The following SH2B2 variants were observed in gnomAD, a reference collection of about 807,000 sequenced individuals.
SH2B2 encodes the protein SH2B adaptor protein 2.
In SH2B2, 37 loss-of-function variants were observed where a neutral mutation model predicts 35.7. That is an observed-to-expected ratio of 1.04 (90% confidence interval 0.80 to 1.36). SH2B2 has a LOEUF of 1.36. Among genes scored for constraint, SH2B2 ranks in the 40% most tolerant of loss-of-function variants. The probability of loss-of-function intolerance (pLI) is 0.00; values close to 1 mark genes in which losing one functional copy is unlikely to be tolerated. For synonymous variants in SH2B2, 383 were observed against 376.4 expected (o/e 1.02, Z -0.20); for missense variants, 852 against 817.7 (o/e 1.04, Z -0.51).
rs1554558550 is a variant in SH2B2, at chr7:102,321,434, C to A, written c.1703C>A (p.Ser568Ter). 1.5e-6 allele frequency: 2 copies of A among 1,303,918 alleles called. No homozygotes were observed. The highest frequency in any genetic ancestry group is 1.9e-5 in the South Asian group (1 of 53,220). 80.8% of individuals were successfully genotyped at this position (1,303,918 alleles called of 1,614,324 possible). The change falls in exon 9 of 9, where the codon TCG (serine) becomes TAG (stop). Residue 568 changes from serine (S) to a stop codon, truncating the protein, a stop_gained. Transcript: ENST00000444095. LOFTEE classifies it low-confidence loss of function (END_TRUNC). ...CCCTCCGACGCCGCCGGCGCCTCCT[C>A]GTCTTCCGCCTCGTCGTCCTCTGCC... Reference protein sequence around the residue: ...ASPSDAAGASSSSASSSSAAS... With the variant: ...ASPSDAAGAS
At chr7:102,309,242 G>C in intron 4 of SH2B2, 1 of 487,270 alleles carries the variant, frequency 2.1e-6, no homozygotes, top group Non-Finnish European at 4.0e-6. Context: ...GCCTGGTGCA[G>C]TGGCTCACAT....
At position 102,317,309 on chromosome 7, in the gene SH2B2, C is replaced by G. The variant is rs782398817; in HGVS notation, c.1309C>G (p.Arg437Gly). Residue 437 changes from arginine to glycine, a missense_variant, in exon 7 of 9, where the codon CGG becomes GGG. Arg to Gly is a moderately radical substitution (Grantham distance 125). Coordinates refer to ENST00000444095, the MANE Select transcript of SH2B2 (RefSeq NM_001359228.2). ...AAQLVLAGGP[R>G]NHGLFVIRQS... ...TCAACTGGTTCTGGCAGGGGGGCCCCGGAACCACGGCCTCTTCGTGATCCG... is the reference window on the plus strand; with the variant it reads ...TCAACTGGTTCTGGCAGGGGGGCCCGGGAACCACGGCCTCTTCGTGATCCG... 6.2e-7 allele frequency: 1 copy of G among 1,613,398 alleles called. No homozygotes were observed. Among genetic ancestry groups the G allele is most frequent in the East Asian group, 2.2e-5 (1 of 44,850 alleles).
intron 1 of SH2B2, among the ~76,000 whole-genome samples, chr7:102,288,217 T>C (rs1043488371): frequency 5.3e-5 from 8 of 151,964 alleles, no homozygotes. Context: ...CCTTGAACTC[T>C]CCCAACCTCT....
At position 102,311,874 on chromosome 7, in the gene SH2B2, C is replaced by T. The variant is rs182004825; in HGVS notation, c.924-2462C>T. On this transcript the variant is annotated intron_variant, in intron 4 of 8. Coordinates refer to ENST00000444095, the MANE Select transcript of SH2B2 (RefSeq NM_001359228.2). ...GGCACATCACCTGAGGTCAGGAGTTCGAGACCAGCCTGGCCAACATGGGGA... is the reference window on the plus strand; with the variant it reads ...GGCACATCACCTGAGGTCAGGAGTTTGAGACCAGCCTGGCCAACATGGGGA... 1.4e-3 allele frequency among the ~76,000 whole-genome samples: 210 copies of T among 149,784 alleles called. 4 individuals are homozygous for T. In the East Asian group the frequency reaches 0.033, roughly 24 times the overall value.
rs368606524 is a variant in SH2B2, at chr7:102,300,559, T to C, written c.9T>C (p.Gly3=). The change falls in exon 2 of 9, where the codon GGT becomes GGC. Residue 3 remains glycine, a synonymous_variant. Transcript: ENST00000444095. MN[G]AGPGPAAAAP... The stretch of plus-strand genomic sequence containing the variant: ...GCGATGGGACGGAAGCCATGAATGG[T>C]GCCGGCCCTGGCCCCGCCGCAGCCG... 6.5e-7 allele frequency: 1 copy of C among 1,545,246 alleles called. No homozygotes were observed. The highest frequency in any genetic ancestry group is 1.4e-5 in the African/African-American group (1 of 72,964).
rs1792475378 is a variant in SH2B2, at chr7:102,286,918, G to T, written c.-206G>T. 1.3e-5 allele frequency: 2 copies of T among 148,668 alleles called. No homozygotes were observed. The highest frequency in any genetic ancestry group is 6.7e-5 in the Admixed American group (1 of 14,980). The allele number at this position is 148,668 out of a possible 1,614,324, so 9.2% of individuals were successfully genotyped here. A position where few individuals can be genotyped will look rare whatever the true frequency, so the allele number is the denominator to read the frequency against. ...GCGCGCGGAGCTCGGCTGCCAGAGA[G>T]CCGCGCGGGGGACGCGCCGGGACCG... is the stretch of plus-strand genomic sequence containing the variant. On this transcript the variant is annotated 5_prime_UTR_variant, in exon 1 of 9. Coordinates refer to ENST00000444095, the MANE Select transcript of SH2B2 (RefSeq NM_001359228.2).
chr7:102,302,641 G>A (rs1793236357), intron 2 of SH2B2, among the ~76,000 whole-genome samples: 1 of 152,186 alleles, frequency 6.6e-6, no homozygotes, highest in Non-Finnish European at 1.5e-5. Flanking sequence ...TCATCCTCTG[G>A]GTACCCCACC....
At chr7:102,295,303 C>T (rs1792858004) in intron 1 of SH2B2, among the ~76,000 whole-genome samples, 1 of 152,156 alleles carries the variant, frequency 6.6e-6, no homozygotes, top group South Asian at 2.1e-4. Context: ...CCTGGGGGTC[C>T]TAATGGTATA....
intron 1 of SH2B2, among the ~76,000 whole-genome samples, chr7:102,293,548 T>G: frequency 6.8e-6 from 1 of 146,538 alleles, no homozygotes; most frequent in South Asian, 2.2e-4. Flanking sequence ...TGGGGGGGTG[T>G]AATGGATGGG....
At chr7:102,299,575 A>T (rs1563552078) in intron 1 of SH2B2, among the ~76,000 whole-genome samples, 1 of 152,158 alleles carries the variant, frequency 6.6e-6, no homozygotes, top group Non-Finnish European at 1.5e-5. Flanking sequence ...CCCGGGGACC[A>T]TAAAGCAGCT....
rs115107229 is a variant in SH2B2 at position 102,304,625 on chromosome 7, G to A, written c.730-2096G>A. 5.6e-3 allele frequency among the ~76,000 whole-genome samples: 855 copies of A among 152,310 alleles called. 7 individuals are homozygous for A. Among genetic ancestry groups the A allele is most frequent in the African/African-American group, 0.019 (807 of 41,566 alleles). ...CAGGCATGTGGGCACAGTGCGTTGT[G>A]GCTGGAGCAGGTGGGAGGAAGCTGG... On this transcript the variant is annotated intron_variant, in intron 2 of 8. Transcript: ENST00000444095.
rs782785716 is a variant in SH2B2 at position 102,301,176 on chromosome 7, C to T, written c.626C>T (p.Ala209Val). Residue 209 changes from alanine to valine, a missense_variant, in exon 2 of 9, where the codon GCC becomes GTC. This residue lies in a region of SH2B2 where 556 missense variants were observed against 514.5 expected (regional missense o/e 1.08). Transcript: ENST00000444095. ...CGCTTCATGGTGGCCGACGACGCGG[C>T]CGCGGGCTCCGGGGGCTCGGCTCAG... ...ALRFMVADDAAAGSGGSAQWQ... is the reference protein window; with the variant it reads ...ALRFMVADDAVAGSGGSAQWQ... 5 of 1,576,372 alleles carry T rather than the reference C, an allele frequency of 3.2e-6. No homozygotes were observed. The highest frequency in any genetic ancestry group is 1.9e-5 in the Admixed American group (1 of 53,990).
intron 4 of SH2B2, among the ~76,000 whole-genome samples, chr7:102,313,399 G>C (rs1391100419): frequency 6.6e-6 from 1 of 151,890 alleles, no homozygotes; most frequent in Non-Finnish European, 1.5e-5. Flanking sequence ...GGTGAGCTGA[G>C]ATCGTGCCAC....
chr7:102,319,194 A>G (rs566856676), intron 7 of SH2B2, among the ~76,000 whole-genome samples: 7 of 152,308 alleles, frequency 4.6e-5, no homozygotes, highest in Admixed American at 4.6e-4. Context: ...GGTCTGGCAG[A>G]AGATTGGGAT....
intron 1 of SH2B2, among the ~76,000 whole-genome samples, chr7:102,291,765 G>A (rs1355136040): frequency 2.6e-5 from 4 of 152,318 alleles, no homozygotes; most frequent in East Asian, 1.9e-4. Context: ...GAAAACCAAC[G>A]CCCACGTATT....
rs1792983745 is a variant in SH2B2, at chr7:102,297,829, T to C, written c.-29-2693T>C. On this transcript the variant is annotated intron_variant, in intron 1 of 8. Coordinates refer to ENST00000444095, the MANE Select transcript of SH2B2 (RefSeq NM_001359228.2). This position sits in a 1 kb window ranked among gnomAD's most constrained non-coding sequence, Gnocchi z 4.3. Reference sequence around the variant, plus strand: ...TGGAGGGGACACACAACCAAGCAACTAAATATATGATATGACAGCCGGCAA... The same window carrying C: ...TGGAGGGGACACACAACCAAGCAACCAAATATATGATATGACAGCCGGCAA... Among the ~76,000 whole-genome samples, 1 of 152,006 alleles carries C rather than the reference T, an allele frequency of 6.6e-6. No homozygotes were observed. The highest frequency in any genetic ancestry group is 1.5e-5 in the Non-Finnish European group (1 of 68,000).
rs1554558591 is a variant in SH2B2 at position 102,321,468 on chromosome 7, G to T, written c.1737G>T (p.Gly579=). Residue 579 remains glycine, a synonymous_variant, in exon 9 of 9, where the codon GGG becomes GGT. Transcript: ENST00000444095. The part of the protein sequence containing the change: ...SSASSSSAAS[G]PAPPRPVEGQ... ...CCTCGTCGTCCTCTGCCGCGTCGGG[G>T]CCCGCCCCCCCGCGCCCCGTCGAGG... is the stretch of plus-strand genomic sequence containing the variant. 4 of 1,205,414 alleles carry T rather than the reference G, an allele frequency of 3.3e-6. No homozygotes were observed. The East Asian group carries it at 1.5e-4, about 46-fold the overall frequency. 74.7% of individuals were successfully genotyped at this position (1,205,414 alleles called of 1,614,324 possible).
Position 102,301,081 on chromosome 7 carries a change from G to T in SH2B2, c.531G>T (p.Arg177=). 7 of 1,404,856 alleles carry T rather than the reference G, an allele frequency of 5.0e-6. No individual in the cohort carries two copies. The highest frequency in any genetic ancestry group is 6.5e-6 in the Non-Finnish European group (7 of 1,084,318). 87.0% of individuals were successfully genotyped at this position (1,404,856 alleles called of 1,614,324 possible). Residue 177 remains arginine, a synonymous_variant, in exon 2 of 9, where the codon CGG becomes CGT. Coordinates refer to ENST00000444095, the MANE Select transcript of SH2B2 (RefSeq NM_001359228.2). The part of the protein sequence containing the change: ...RTAEPRDKWT[R]RLRLSRTLAA... ...CCGAGCCCCGCGACAAGTGGACGCG[G>T]CGCCTGAGGCTGTCGCGGACGCTGG...
Position 102,308,833 on chromosome 7 carries a change from T to C in SH2B2, c.850T>C (p.Tyr284His). ...TCCCCAGGTAGAGAATGGAGCCGAA[T>C]ACATCTTGGAGACCATCGACTCTCT... ...FVLKVENGAE[Y>H]ILETIDSLQK... is the part of the protein sequence containing the mutation. Residue 284 changes from tyrosine (Y) to histidine (H), a missense_variant, in exon 4 of 9, where the codon TAC (tyrosine) becomes CAC (histidine). Tyr to His is a moderately conservative substitution (Grantham distance 83, BLOSUM62 2). This residue lies in a region of SH2B2 where 556 missense variants were observed against 514.5 expected (regional missense o/e 1.08). Coordinates refer to ENST00000444095, the MANE Select transcript of SH2B2 (RefSeq NM_001359228.2). 1 of 1,613,672 alleles carries C rather than the reference T, an allele frequency of 6.2e-7. No homozygotes were observed. Among genetic ancestry groups the C allele is most frequent in the Non-Finnish European group, 8.5e-7 (1 of 1,179,834 alleles).
Sources: gnomAD v4.1 joint callset for allele counts (sites outside exome capture counted in the v4.1 genomes callset) on GRCh38, gnomAD v4.1.1 for gene constraint, gnomAD v4.1.1 regional missense constraint, Gnocchi (gnomAD v3.1) non-coding constraint, MANE v1.5 for transcripts, NCBI Gene and HGNC (gene_info 2026-07-23, HGNC 2026-07-21) for gene names.